The following CDH13 variants were observed in gnomAD, a reference collection of about 807,000 sequenced individuals.
CDH13 encodes cadherin-13.
In CDH13, 24 loss-of-function variants were observed where a neutral mutation model predicts 63.8. The observed-to-expected ratio is 0.38, with a 90% CI of 0.27 to 0.53. The LOEUF (loss-of-function observed/expected upper bound fraction) is 0.53. CDH13 is among the 20% of genes least tolerant of loss of function. CDH13 has a pLI of 0.85. For missense variants in CDH13, 1,049 were observed against 903.1 expected (o/e 1.16, Z -2.07); for synonymous variants, 503 against 355.3 (o/e 1.42, Z -4.67).
intron 5 of CDH13, among the ~76,000 whole-genome samples, chr16:83,223,963 G>T (rs959187995): frequency 7.2e-5 from 11 of 152,152 alleles, no homozygotes; most frequent in Admixed American, 1.3e-4. Flanking sequence ...AACCCAGTTT[G>T]TAGCCTTTTA....
At chr16:83,327,046 A>G (rs560572234) in intron 5 of CDH13, among the ~76,000 whole-genome samples, 6 of 152,378 alleles carry the variant, frequency 3.9e-5, no homozygotes, top group African/African-American at 1.4e-4. Flanking sequence ...TAAGAATGGC[A>G]GAGGGATTTA....
intron 1 of CDH13, among the ~76,000 whole-genome samples, chr16:82,684,635 A>T (rs1351759904): frequency 1.3e-5 from 2 of 151,954 alleles, no homozygotes; most frequent in Non-Finnish European, 2.9e-5. Context: ...TTGATACTAG[A>T]TCCTACCTGG....
At chr16:82,639,266 G>A (rs1909085446) in intron 1 of CDH13, 6 of 767,012 alleles carry the variant, frequency 7.8e-6, no homozygotes, top group African/African-American at 3.5e-5. Context: ...CTGGGCCCTG[G>A]ACTTCCTGTC....
rs376430140 is a variant in CDH13 at position 82,713,315 on chromosome 16, C to T, written c.45+86178C>T. On this transcript the variant is annotated intron_variant, in intron 1 of 13. Transcript: ENST00000567109. ...CAGGCAATTCTATACACACTGGTAT[C>T]TAAGAACCACTGCGCTCAGAACTAG... is the stretch of plus-strand genomic sequence containing the variant. Among the ~76,000 whole-genome samples, 175 of 152,260 alleles carry T rather than the reference C, an allele frequency of 1.1e-3. 4 individuals are homozygous for T. The South Asian group carries it at 0.035, about 31-fold the overall frequency.
At chr16:83,624,626 T>C (rs1261524349) in intron 8 of CDH13, among the ~76,000 whole-genome samples, 4 of 152,086 alleles carry the variant, frequency 2.6e-5, no homozygotes, top group African/African-American at 9.7e-5. Flanking sequence ...CACAGGATGC[T>C]CACCTCCTGC....
chr16:83,010,961 A>C (rs1356799657), intron 2 of CDH13, among the ~76,000 whole-genome samples: 1 of 152,212 alleles, frequency 6.6e-6, no homozygotes, highest in African/African-American at 2.4e-5. Flanking sequence ...TTTCCAGAGC[A>C]CTTAGTTCAC....
At chr16:83,733,413 A>G (rs540741132) in intron 10 of CDH13, among the ~76,000 whole-genome samples, 103 of 152,276 alleles carry the variant, frequency 6.8e-4, no homozygotes, top group African/African-American at 2.4e-3. Context: ...CAGTCTCTAT[A>G]GACGGTTGTC....
chr16:82,640,692 C>A (rs913848226), intron 1 of CDH13, among the ~76,000 whole-genome samples: 1 of 152,168 alleles, frequency 6.6e-6, no homozygotes, highest in East Asian at 1.9e-4. Flanking sequence ...CGAGGGGAAC[C>A]AGGCATTCTC....
chr16:83,305,836 A>G (rs2089862095), intron 5 of CDH13, among the ~76,000 whole-genome samples: 2 of 152,232 alleles, frequency 1.3e-5, no homozygotes, highest in Non-Finnish European at 2.9e-5. Flanking sequence ...TAGATACTCA[A>G]TAAATTGTAG....
chr16:83,531,355 TA>T (rs2075078585), intron 7 of CDH13, among the ~76,000 whole-genome samples: 1 of 152,194 alleles, frequency 6.6e-6, no homozygotes, highest in Admixed American at 6.5e-5. Context: ...TGTGATAGAC[TA>T]AAAGATGGCT....
At chr16:82,996,228 A>G (rs1301186135) in intron 2 of CDH13, among the ~76,000 whole-genome samples, 2 of 152,148 alleles carry the variant, frequency 1.3e-5, no homozygotes, top group Admixed American at 1.3e-4. Flanking sequence ...TTGTATATCG[A>G]AAATCAGTTG....
At chr16:83,473,308 A>C (rs2073511193) in intron 6 of CDH13, among the ~76,000 whole-genome samples, 1 of 152,252 alleles carries the variant, frequency 6.6e-6, no homozygotes, top group Non-Finnish European at 1.5e-5. Flanking sequence ...GTATTTACTT[A>C]TCAAGTTGGA....
intron 11 of CDH13, 151 bp from the exon 12 acceptor site, chr16:83,779,817 C>G (rs72802876): frequency 5.1e-6 from 3 of 582,760 alleles, no homozygotes; most frequent in Non-Finnish European, 9.0e-6. Context: ...ATGATCGCAC[C>G]ACTGCATTCC....
intron 13 of CDH13, among the ~76,000 whole-genome samples, chr16:83,790,605 G>T (rs1321938698): frequency 4.6e-5 from 7 of 152,026 alleles, no homozygotes; most frequent in African/African-American, 1.4e-4. Context: ...GGGTTTCACC[G>T]TGTTAGCCTG....
chr16:83,102,930 C>CTTTTTTTTTTTTTTTTTTTTTTTTTT (rs71148812), intron 3 of CDH13, among the ~76,000 whole-genome samples: 9 of 96,928 alleles, frequency 9.3e-5, no homozygotes, highest in African/African-American at 2.3e-4. Context: ...TTTTCTTTTT[C>CTTTTTTTTTTTTTTTTTTTTTTTTTT]TTTTTTTTTT....
At chr16:83,473,369 T>C (rs28624369) in intron 6 of CDH13, among the ~76,000 whole-genome samples, 3,817 of 152,310 alleles carry the variant, frequency 0.025, 163 homozygotes, top group African/African-American at 0.086. Context: ...AGCAATTTGC[T>C]AGCACTTTCT....
intron 8 of CDH13, among the ~76,000 whole-genome samples, chr16:83,650,989 T>C (rs1912320804): frequency 6.6e-6 from 1 of 151,856 alleles, no homozygotes; most frequent in Non-Finnish European, 1.5e-5. Context: ...CAGTCCCAGC[T>C]ACTCTGGGGG....
chr16:82,800,432 A>T (rs1326692489), intron 1 of CDH13, among the ~76,000 whole-genome samples: 1 of 152,182 alleles, frequency 6.6e-6, no homozygotes, highest in Non-Finnish European at 1.5e-5. Context: ...CATAAATCAG[A>T]GTTCTTAACT....
At chr16:82,970,156 C>G (rs1344423861) in intron 2 of CDH13, among the ~76,000 whole-genome samples, 2 of 152,086 alleles carry the variant, frequency 1.3e-5, no homozygotes, top group African/African-American at 4.8e-5. Context: ...TCACCTCCCA[C>G]TCAGGAATGA....
Sources: allele counts gnomAD v4.1 joint callset (sites outside exome capture counted in the v4.1 genomes callset), GRCh38; gene constraint gnomAD v4.1.1; transcripts MANE v1.5; gene names NCBI Gene and HGNC (gene_info 2026-07-23, HGNC 2026-07-21).